Variants in FGF12 observed in about 807,000 individuals in gnomAD.
FGF12 encodes the protein fibroblast growth factor 12, also known as fibroblast growth factor 12B.
FGF12 carries 14 observed loss-of-function variants against 23.6 expected under a neutral mutation model. The observed-to-expected ratio is 0.59, with a 90% CI of 0.39 to 0.93. FGF12 has a LOEUF of 0.93. FGF12 is among the 40% of genes least tolerant of loss of function. FGF12 has a pLI of 0.00. For missense variants in FGF12, 175 were observed against 217.8 expected, an observed-to-expected ratio of 0.80 and a Z score of 1.24; for synonymous variants, 62 against 77.3, an observed-to-expected ratio of 0.80 and a Z score of 1.04.
At chr3:192,399,336 CAA>C (rs999041593) in intron 2 of FGF12, among the ~76,000 whole-genome samples, 1 of 152,158 alleles carries the variant, frequency 6.6e-6, no homozygotes, top group Non-Finnish European at 1.5e-5. Flanking sequence ...GAAAAAGCAG[CAA>C]AGACTGCCAT....
At chr3:192,417,167 C>A (rs1016882550) in intron 2 of FGF12, among the ~76,000 whole-genome samples, 1 of 151,900 alleles carries the variant, frequency 6.6e-6, no homozygotes, top group Non-Finnish European at 1.5e-5. Flanking sequence ...AATGGCATGG[C>A]AATGGAAAAA....
intron 2 of FGF12, among the ~76,000 whole-genome samples, chr3:192,629,357 C>A (rs1715301273): frequency 6.6e-6 from 1 of 152,128 alleles, no homozygotes; most frequent in Non-Finnish European, 1.5e-5. Context: ...CATGACTGAT[C>A]CTATATTTAT....
At chr3:192,633,260 G>C (rs1715456477) in intron 2 of FGF12, among the ~76,000 whole-genome samples, 1 of 151,964 alleles carries the variant, frequency 6.6e-6, no homozygotes, top group African/African-American at 2.4e-5. Context: ...TGGTCAGGCT[G>C]GTTTTGAATT....
At chr3:192,376,244 T>G (rs4381887) in intron 2 of FGF12, among the ~76,000 whole-genome samples, 6 of 151,648 alleles carry the variant, frequency 4.0e-5, no homozygotes, top group Non-Finnish European at 8.8e-5. Context: ...ATCTCCAATT[T>G]AATCATTTTC....
chr3:192,550,876 C>G (rs1268842689), intron 2 of FGF12, among the ~76,000 whole-genome samples: 1 of 152,088 alleles, frequency 6.6e-6, no homozygotes. Flanking sequence ...ACCTTTTTCT[C>G]TCTCTTTACA....
rs998416773 is a variant in FGF12 at position 192,672,838 on chromosome 3, C to T, written c.13+54343G>A. 8.6e-5 allele frequency: 13 copies of T among 150,980 alleles called. 1 individual carries two copies. Among genetic ancestry groups the T allele is most frequent in the African/African-American group, 3.1e-4 (13 of 41,336 alleles). The allele number at this position is 150,980 out of a possible 1,614,324, so 9.4% of individuals were successfully genotyped here. On this transcript the variant is annotated intron_variant, in intron 2 of 5. Coordinates refer to ENST00000445105, the MANE Select transcript of FGF12 (RefSeq NM_004113.6). ...TCCACTGAGTTTCCTTGCCTTATCTCTCCTGTTCAACTCAATTTCAGTGGA... is the reference window on the plus strand; with the variant it reads ...TCCACTGAGTTTCCTTGCCTTATCTTTCCTGTTCAACTCAATTTCAGTGGA...
chr3:192,280,839 G>C (rs1714100651), intron 4 of FGF12, among the ~76,000 whole-genome samples: 1 of 152,134 alleles, frequency 6.6e-6, no homozygotes. Flanking sequence ...TCAAATGTTT[G>C]AGGCTTTGAT....
At chr3:192,354,653 A>T (rs1431306305) in intron 3 of FGF12, among the ~76,000 whole-genome samples, 1 of 152,206 alleles carries the variant, frequency 6.6e-6, no homozygotes, top group Non-Finnish European at 1.5e-5. Flanking sequence ...TTTAAAAAAA[A>T]TTAAAATTTA....
intron 2 of FGF12, among the ~76,000 whole-genome samples, chr3:192,700,695 A>G (rs545203397): frequency 1.3e-5 from 2 of 152,324 alleles, no homozygotes; most frequent in South Asian, 4.1e-4. Context: ...GGCTAAAAGC[A>G]TTCCAAATAA....
intron 2 of FGF12, among the ~76,000 whole-genome samples, chr3:192,481,211 T>C (rs896893994): frequency 1.3e-5 from 2 of 152,320 alleles, no homozygotes; most frequent in Admixed American, 6.5e-5. Context: ...ATCAGCATTC[T>C]TCAAAATACA....
intron 2 of FGF12, among the ~76,000 whole-genome samples, chr3:192,681,238 T>C (rs982721904): frequency 2.0e-5 from 3 of 152,106 alleles, no homozygotes; most frequent in Non-Finnish European, 4.4e-5. Context: ...CAAAGGGATA[T>C]AACAATGTAA....
intron 2 of FGF12, among the ~76,000 whole-genome samples, chr3:192,560,701 G>C (rs1049179438): frequency 1.3e-5 from 2 of 152,062 alleles, no homozygotes; most frequent in Non-Finnish European, 2.9e-5. Flanking sequence ...CACAGAGAAA[G>C]CTGGAGGCCT....
At chr3:192,591,312 A>G (rs893988914) in intron 2 of FGF12, among the ~76,000 whole-genome samples, 1 of 151,532 alleles carries the variant, frequency 6.6e-6, no homozygotes, top group African/African-American at 2.4e-5. Context: ...TTTTTTAAAA[A>G]TAGAGACTCA....
chr3:192,575,112 A>G (rs1712817438), intron 2 of FGF12, among the ~76,000 whole-genome samples: 1 of 152,238 alleles, frequency 6.6e-6, no homozygotes, highest in East Asian at 1.9e-4. Flanking sequence ...AAATAATTAC[A>G]TGGAGTGAAG....
chr3:192,326,211 AGAAAG>A (rs1716812908), intron 4 of FGF12, among the ~76,000 whole-genome samples: 1 of 152,232 alleles, frequency 6.6e-6, no homozygotes, highest in African/African-American at 2.4e-5. Flanking sequence ...TTCTAACAAA[AGAAAG>A]GAAATACAGA....
At chr3:192,668,761 A>G (rs1716992788) in intron 2 of FGF12, among the ~76,000 whole-genome samples, 1 of 152,220 alleles carries the variant, frequency 6.6e-6, no homozygotes, top group Non-Finnish European at 1.5e-5. Flanking sequence ...GACACCTCAA[A>G]TAAGAATCCT....
intron 4 of FGF12, among the ~76,000 whole-genome samples, chr3:192,275,977 T>A (rs115189467): frequency 1.3e-5 from 2 of 152,260 alleles, no homozygotes; most frequent in African/African-American, 2.4e-5. Context: ...ACCAACAGCA[T>A]CTTGTATGTA....
intron 2 of FGF12, among the ~76,000 whole-genome samples, chr3:192,403,603 T>C (rs1720848522): frequency 6.6e-6 from 1 of 151,964 alleles, no homozygotes; most frequent in Non-Finnish European, 1.5e-5. Context: ...GCTGACTTTG[T>C]AGTTCAGATA....
intron 2 of FGF12, among the ~76,000 whole-genome samples, chr3:192,452,146 A>T (rs1021089966): frequency 2.6e-5 from 4 of 152,164 alleles, no homozygotes; most frequent in African/African-American, 9.7e-5. Flanking sequence ...TTTTTGGTAC[A>T]TATTTTCTAT....
Sources: allele counts gnomAD v4.1 joint callset (sites outside exome capture counted in the v4.1 genomes callset), GRCh38; gene constraint gnomAD v4.1.1; transcripts MANE v1.5; gene names NCBI Gene and HGNC (gene_info 2026-07-23, HGNC 2026-07-21).